Variants in ADGRD1 observed in about 807,000 individuals in gnomAD.
ADGRD1 encodes the protein adhesion G protein-coupled receptor D1.
A neutral mutation model predicts 113.4 loss-of-function variants in ADGRD1; 77 were observed. The ratio of observed to expected loss-of-function variants is 0.68; its 90% CI spans 0.57 to 0.82. The LOEUF is 0.82. Among genes scored for constraint, ADGRD1 ranks in the 40% least tolerant of loss-of-function variants. ADGRD1 has a pLI of 0.00. For missense variants in ADGRD1, 1,036 were observed against 1,139.1 expected (o/e 0.91, Z 1.30); for synonymous variants, 474 against 475.0 (o/e 1.00, Z 0.03).
intron 13 of ADGRD1, among the ~76,000 whole-genome samples, chr12:131,058,464 A>C (rs542299691): frequency 3.3e-4 from 50 of 152,154 alleles, no homozygotes; most frequent in Non-Finnish European, 5.7e-4. Context: ...TTTATTTTCC[A>C]CTGATCTTTC....
At position 131,139,366 on chromosome 12, in the gene ADGRD1, T is replaced by C; in HGVS notation, c.*103T>C. ...CATGGACCCTCTCCTTGCTGCTGTC[T>C]GGACATGGGTGTTGTGGCCCCGAGA... On this transcript the variant is annotated 3_prime_UTR_variant, in exon 25 of 25. Coordinates refer to ENST00000261654, the MANE Select transcript of ADGRD1 (RefSeq NM_198827.5). 1 of 773,952 alleles carries C rather than the reference T, an allele frequency of 1.3e-6. No individual in the cohort carries two copies. The allele number at this position is 773,952 out of a possible 1,614,324, so 47.9% of individuals were successfully genotyped here.
At chr12:131,089,354 G>A (rs1403264843) in intron 15 of ADGRD1, among the ~76,000 whole-genome samples, 1 of 152,234 alleles carries the variant, frequency 6.6e-6, no homozygotes, top group Non-Finnish European at 1.5e-5. Context: ...AACGGGGAAC[G>A]TCTTCCTTCA....
rs1045942469 is a variant in ADGRD1 at position 131,003,023 on chromosome 12, C to T, written c.1027-162C>T. ...TGAGCTCAGTCGGGTGTGTGGCCTCCGTGTGGTCCCCTCCTGATCCATGGG... is the reference window on the plus strand; with the variant it reads ...TGAGCTCAGTCGGGTGTGTGGCCTCTGTGTGGTCCCCTCCTGATCCATGGG... On this transcript the variant is annotated intron_variant, in intron 9 of 24. Coordinates refer to ENST00000261654, the MANE Select transcript of ADGRD1 (RefSeq NM_198827.5). The surrounding 1 kb of genome is among the most constrained non-coding windows in gnomAD (Gnocchi z 4.8). Among the ~76,000 whole-genome samples the T allele has an allele frequency of 6.6e-5, 10 of 152,156 alleles. No individual in the cohort carries two copies. Among genetic ancestry groups the T allele is most frequent in the Non-Finnish European group, 1.3e-4 (9 of 68,038 alleles).
intron 20 of ADGRD1, among the ~76,000 whole-genome samples, chr12:131,124,878 A>C (rs1261594923): frequency 6.6e-6 from 1 of 152,140 alleles, no homozygotes; most frequent in Non-Finnish European, 1.5e-5. Context: ...CTGGTGTCTT[A>C]GTCTATAGGG....
chr12:130,964,424 G>A (rs1019129681), intron 2 of ADGRD1, among the ~76,000 whole-genome samples: 12 of 152,138 alleles, frequency 7.9e-5, no homozygotes, highest in Non-Finnish European at 1.5e-4. Flanking sequence ...GTTGGCTCAC[G>A]CCTGTAATCC....
intron 14 of ADGRD1, among the ~76,000 whole-genome samples, chr12:131,082,589 C>G (rs972383829): frequency 1.3e-5 from 2 of 152,158 alleles, no homozygotes; most frequent in African/African-American, 4.8e-5. Flanking sequence ...AGGCCCCCCC[C>G]TCAAATTGAA....
intron 21 of ADGRD1, among the ~76,000 whole-genome samples, chr12:131,135,009 C>T (rs188458105): frequency 3.3e-5 from 5 of 152,318 alleles, no homozygotes; most frequent in Non-Finnish European, 7.3e-5. Context: ...GCAGGAACTC[C>T]GCTAGTCTCT....
chr12:131,087,685 G>A (rs577673553), intron 15 of ADGRD1, among the ~76,000 whole-genome samples: 15 of 151,754 alleles, frequency 9.9e-5, no homozygotes, highest in Admixed American at 7.9e-4. Context: ...GTTTCCCCTA[G>A]AGCAGCTGCC....
At chr12:130,988,538 A>G (rs1175036840) in intron 6 of ADGRD1, 1 of 152,210 alleles carries the variant, frequency 6.6e-6, no homozygotes, top group African/African-American at 2.4e-5. Flanking sequence ...AGAAAACCCA[A>G]TTCAAGATAA....
intron 13 of ADGRD1, among the ~76,000 whole-genome samples, chr12:131,045,851 C>T (rs1347936464): frequency 1.3e-5 from 2 of 152,110 alleles, no homozygotes; most frequent in South Asian, 2.1e-4. Context: ...TGATAGCGCC[C>T]GTCCTGGTCA....
chr12:131,005,273 C>G (rs1160179946), intron 11 of ADGRD1, among the ~76,000 whole-genome samples: 1 of 152,236 alleles, frequency 6.6e-6, no homozygotes, highest in African/African-American at 2.4e-5. Flanking sequence ...ATGCCACCTT[C>G]CTCCAGCATC....
intron 6 of ADGRD1, chr12:130,990,422 C>G (rs1874239823): frequency 6.6e-6 from 1 of 152,314 alleles, no homozygotes; most frequent in Admixed American, 6.5e-5. Context: ...AGGCAGAGAA[C>G]AGCAAATCAT....
At chr12:131,093,431 A>C (rs1283713833) in intron 15 of ADGRD1, among the ~76,000 whole-genome samples, 1 of 152,158 alleles carries the variant, frequency 6.6e-6, no homozygotes, top group Non-Finnish European at 1.5e-5. Flanking sequence ...GCCCAGACCC[A>C]TGGTTCTAGG....
intron 9 of ADGRD1, among the ~76,000 whole-genome samples, chr12:131,000,721 A>G (rs909363550): frequency 6.7e-6 from 1 of 149,508 alleles, no homozygotes; most frequent in African/African-American, 2.5e-5. Context: ...AGCCTGGGCA[A>G]CAGAGTGAGA....
intron 11 of ADGRD1, 138 bp from the exon 12 acceptor site, chr12:131,005,834 G>C: frequency 1.4e-6 from 1 of 689,914 alleles, no homozygotes; most frequent in Admixed American, 2.2e-5. Flanking sequence ...TTCTGCCCGA[G>C]TGTCCTTCAC....
intron 24 of ADGRD1, among the ~76,000 whole-genome samples, chr12:131,138,684 C>T (rs1354278375): frequency 6.6e-6 from 1 of 152,026 alleles, no homozygotes; most frequent in African/African-American, 2.4e-5. Flanking sequence ...GCGCTCCCAC[C>T]CATTCTCGCA....
chr12:131,002,575 T>G lies in ADGRD1; in HGVS notation c.1027-610T>G, dbSNP rs1351936279. 3 of 1,045,554 alleles carry G rather than the reference T, an allele frequency of 2.9e-6. No individual in the cohort carries two copies. In the African/African-American group the frequency reaches 5.2e-5, roughly 18 times the overall value. The allele number at this position is 1,045,554 out of a possible 1,614,324, so 64.8% of individuals were successfully genotyped here. A position where few individuals can be genotyped will look rare whatever the true frequency, so the allele number is the denominator to read the frequency against. On this transcript the variant is annotated intron_variant, in intron 9 of 24. Coordinates refer to ENST00000261654, the MANE Select transcript of ADGRD1 (RefSeq NM_198827.5). ...CAGGGCTTAAGAGAGGCCTCTCCCCTGGTGATGTGTGTCTGAGGATGAGGG... is the reference window on the plus strand; with the variant it reads ...CAGGGCTTAAGAGAGGCCTCTCCCCGGGTGATGTGTGTCTGAGGATGAGGG...
chr12:131,117,281 G>A (rs559891498), intron 18 of ADGRD1, among the ~76,000 whole-genome samples: 92 of 152,272 alleles, frequency 6.0e-4, no homozygotes, highest in African/African-American at 2.1e-3. Flanking sequence ...CATTTAATTT[G>A]TCACACTCAG....
intron 8 of ADGRD1, 21 bp downstream of exon 8, chr12:130,992,413 T>A: frequency 6.2e-7 from 1 of 1,603,532 alleles, no homozygotes; most frequent in African/African-American, 1.3e-5. Context: ...TTGATGTCTG[T>A]GTCTGGTGGA....
Sources: allele counts gnomAD v4.1 joint callset (sites outside exome capture counted in the v4.1 genomes callset), GRCh38; gene constraint gnomAD v4.1.1; non-coding constraint Gnocchi (gnomAD v3.1); transcripts MANE v1.5; gene names NCBI Gene and HGNC (gene_info 2026-07-23, HGNC 2026-07-21).